Variants in MBD5 observed in about 807,000 individuals in gnomAD.
MBD5 encodes methyl-CpG binding domain protein 5.
Under a neutral mutation model 117.3 loss-of-function variants are expected in MBD5, and 13 were observed. That is an observed-to-expected ratio of 0.11 (90% CI 0.07 to 0.18). The LOEUF (loss-of-function observed/expected upper bound fraction) is 0.18. Ranked by LOEUF, MBD5 falls within the 10% of genes least tolerant of loss-of-function variation. The pLI, the probability that MBD5 is intolerant of heterozygous loss-of-function variation, is 1.00. For missense variants in MBD5, 1,879 were observed against 2,093.8 expected, an observed-to-expected ratio of 0.90 and a Z score of 2.00; for synonymous variants, 727 against 766.4, an observed-to-expected ratio of 0.95 and a Z score of 0.85.
chr2:148,050,710 A>G (rs1694674674), intron 1 of MBD5, among the ~76,000 whole-genome samples: 1 of 152,160 alleles, frequency 6.6e-6, no homozygotes, highest in African/African-American at 2.4e-5. Context: ...AAATCTGTTA[A>G]TCAAAGACAT....
At chr2:148,358,097 T>A (rs1703433040) in intron 4 of MBD5, among the ~76,000 whole-genome samples, 2 of 152,190 alleles carry the variant, frequency 1.3e-5, no homozygotes, top group Non-Finnish European at 2.9e-5. Context: ...CCTATTGTGG[T>A]GTTACTTATT....
chr2:148,383,109 G>A (rs1354348940), intron 4 of MBD5, among the ~76,000 whole-genome samples: 4 of 151,968 alleles, frequency 2.6e-5, no homozygotes, highest in African/African-American at 9.7e-5. Context: ...TAATATCAGA[G>A]CAGAACTGAA....
In MBD5 at chr2:148,137,466, A is replaced by G. The variant is rs16828309; in HGVS notation, c.-924-41234A>G. ...TCCTCTTCCATCTTTGCCTATTAAAATCTTACCCATCTGGCCAGGCCTCTT... is the reference window on the plus strand; with the variant it reads ...TCCTCTTCCATCTTTGCCTATTAAAGTCTTACCCATCTGGCCAGGCCTCTT... On this transcript the variant is annotated intron_variant, in intron 1 of 13. Coordinates refer to ENST00000642680, the MANE Select transcript of MBD5 (RefSeq NM_001378120.1). 7.2e-3 allele frequency among the ~76,000 whole-genome samples: 1,099 copies of G among 152,190 alleles called. 11 individuals carry two copies. Among genetic ancestry groups the G allele is most frequent in the African/African-American group, 0.025 (1,025 of 41,506 alleles).
At position 148,086,638 on chromosome 2, in the gene MBD5, T is replaced by C. The variant is rs1031586225; in HGVS notation, c.-925+64954T>C. 4.6e-5 allele frequency among the ~76,000 whole-genome samples: 7 copies of C among 152,186 alleles called. No individual in the cohort carries two copies. The East Asian group carries it at 1.3e-3, about 29-fold the overall frequency. On this transcript the variant is annotated intron_variant, in intron 1 of 13. Coordinates refer to ENST00000642680, the MANE Select transcript of MBD5 (RefSeq NM_001378120.1). ...CCCACTCGTGCAATTAGAGTAGGAA[T>C]TGGAACAGGCTCAGACTACTGCTAG...
chr2:148,111,768 T>TG (rs1235160785), intron 1 of MBD5, among the ~76,000 whole-genome samples: 2 of 152,108 alleles, frequency 1.3e-5, no homozygotes, highest in Non-Finnish European at 2.9e-5. Context: ...ACTTTGTCTG[T>TG]GGGGGTAAGT....
At chr2:148,361,507 A>G (rs1425326060) in intron 4 of MBD5, among the ~76,000 whole-genome samples, 3 of 152,242 alleles carry the variant, frequency 2.0e-5, no homozygotes, top group Non-Finnish European at 4.4e-5. Context: ...GGTAGGGTAT[A>G]TGTTGAATGA....
chr2:148,449,552 T>C (rs1706662960), intron 4 of MBD5, among the ~76,000 whole-genome samples: 1 of 151,838 alleles, frequency 6.6e-6, no homozygotes, highest in African/African-American at 2.4e-5. Context: ...AGCTATTCAG[T>C]GAAGAACAAG....
intron 3 of MBD5, among the ~76,000 whole-genome samples, chr2:148,325,235 G>A (rs1702411877): frequency 6.6e-6 from 1 of 152,164 alleles, no homozygotes; most frequent in Non-Finnish European, 1.5e-5. Flanking sequence ...GATTCGGTTT[G>A]CCAGTATTTT....
At chr2:148,155,126 A>G (rs1697836045) in intron 1 of MBD5, among the ~76,000 whole-genome samples, 1 of 152,250 alleles carries the variant, frequency 6.6e-6, no homozygotes, top group Non-Finnish European at 1.5e-5. Context: ...AATTCTTTGG[A>G]GAAAAATGAG....
At chr2:148,384,181 G>A (rs1431661322) in intron 4 of MBD5, among the ~76,000 whole-genome samples, 2 of 152,082 alleles carry the variant, frequency 1.3e-5, no homozygotes, top group African/African-American at 4.8e-5. Flanking sequence ...GTCCCTGTTT[G>A]CAGATGACAT....
chr2:148,049,150 G>A (rs2105744167), intron 1 of MBD5, among the ~76,000 whole-genome samples: 1 of 152,284 alleles, frequency 6.6e-6, no homozygotes. Context: ...ACTGTAGCTT[G>A]ACTAGACAGT....
chr2:148,311,953 C>T (rs1367675979), intron 3 of MBD5, among the ~76,000 whole-genome samples: 2 of 152,128 alleles, frequency 1.3e-5, no homozygotes, highest in Non-Finnish European at 2.9e-5. Flanking sequence ...AAATTCTTTT[C>T]TTTAAGAATG....
At chr2:148,389,186 GGTGTGTGTGTGTGTGT>G (rs70995313) in intron 4 of MBD5, among the ~76,000 whole-genome samples, 3 of 89,590 alleles carry the variant, frequency 3.3e-5, no homozygotes, top group African/African-American at 8.6e-5. Flanking sequence ...AGTATTCCGT[GGTGTGTGTGTGTGTGT>G]GTGTGTGTGT....
intron 1 of MBD5, among the ~76,000 whole-genome samples, chr2:148,151,753 T>C (rs1697675701): frequency 6.6e-6 from 1 of 152,138 alleles, no homozygotes; most frequent in Non-Finnish European, 1.5e-5. Flanking sequence ...TATTCTCTGA[T>C]GGTAGTTTGT....
chr2:148,358,618 CAAAA>C (rs35838466), intron 4 of MBD5, among the ~76,000 whole-genome samples: 1 of 82,506 alleles, frequency 1.2e-5, no homozygotes, highest in Non-Finnish European at 2.4e-5. Flanking sequence ...ACTAAAAATA[CAAAA>C]AAAAAAAAAA....
intron 1 of MBD5, among the ~76,000 whole-genome samples, chr2:148,056,767 T>G (rs941744167): frequency 6.6e-6 from 1 of 151,950 alleles, no homozygotes; most frequent in African/African-American, 2.4e-5. Flanking sequence ...AGTCCATACG[T>G]TTTTTCTATT....
At chr2:148,423,125 A>C (rs1705663056) in intron 4 of MBD5, among the ~76,000 whole-genome samples, 1 of 152,114 alleles carries the variant, frequency 6.6e-6, no homozygotes, top group Admixed American at 6.5e-5. Context: ...AAGACACATA[A>C]TTGTCAGATT....
chr2:148,075,900 G>A (rs549031178), intron 1 of MBD5, among the ~76,000 whole-genome samples: 4 of 152,136 alleles, frequency 2.6e-5, no homozygotes, highest in African/African-American at 7.2e-5. Flanking sequence ...GCTTGGAATC[G>A]TATCCAGTTT....
Position 148,190,913 on chromosome 2 carries a change from T to A in MBD5, c.-831+12120T>A, listed in dbSNP as rs1698808112. The stretch of plus-strand genomic sequence containing the variant: ...CTCAAAATAAAAGGATGGAGGAAGA[T>A]CTACCAAGCAAATGGAAAACAAAAA... On this transcript the variant is annotated intron_variant, in intron 2 of 13. Coordinates refer to ENST00000642680, the MANE Select transcript of MBD5 (RefSeq NM_001378120.1). Among the ~76,000 whole-genome samples the A allele has an allele frequency of 4.2e-5, 5 of 120,326 alleles. No individual in the cohort carries two copies. In the South Asian group the frequency reaches 1.6e-3, roughly 40 times the overall value. The allele number at this position is 120,326 out of a possible 152,430, so 78.9% of individuals were successfully genotyped here.
Sources: gnomAD v4.1 joint callset for allele counts (sites outside exome capture counted in the v4.1 genomes callset) on GRCh38, gnomAD v4.1.1 for gene constraint, MANE v1.5 for transcripts, NCBI Gene and HGNC (gene_info 2026-07-23, HGNC 2026-07-21) for gene names.